The following CCDC82 variants were observed in gnomAD, a reference collection of about 807,000 sequenced individuals.
CCDC82 encodes the protein coiled-coil domain-containing protein 82.
CCDC82 carries 47 observed loss-of-function variants against 60.6 expected under a neutral mutation model. The ratio of observed to expected loss-of-function variants is 0.77; its 90% CI spans 0.61 to 0.99. The LOEUF is 0.99. Ranked by LOEUF, CCDC82 falls within the 50% of genes least tolerant of loss-of-function variation. The pLI is 0.00. For missense variants in CCDC82, 588 were observed against 633.0 expected (o/e 0.93, Z 0.76); for synonymous variants, 212 against 207.4 (o/e 1.02, Z -0.19).
chr11:96,374,238 C>A (rs942239528), intron 5 of CCDC82, among the ~76,000 whole-genome samples: 10 of 152,166 alleles, frequency 6.6e-5, no homozygotes, highest in Non-Finnish European at 1.5e-4. Context: ...TAAGGGCAGA[C>A]TGAGTATTTC....
intron 9 of CCDC82, chr11:96,357,836 G>T (rs369670802): frequency 1.0e-6 from 1 of 985,346 alleles, no homozygotes. Context: ...AAAAAGTACG[G>T]ATAAGCAGGG....
chr11:96,378,083 C>T (rs1865684818), intron 5 of CCDC82, among the ~76,000 whole-genome samples: 1 of 151,906 alleles, frequency 6.6e-6, no homozygotes, highest in Non-Finnish European at 1.5e-5. Flanking sequence ...CGTTTGTAGT[C>T]CTTTATTATC....
At chr11:96,372,495 T>C (rs78431982) in intron 6 of CCDC82, among the ~76,000 whole-genome samples, 11,432 of 151,486 alleles carry the variant, frequency 0.075, 479 homozygotes, top group African/African-American at 0.099. Flanking sequence ...TAGCTTATAG[T>C]AGACATTCAA....
Position 96,353,721 on chromosome 11 carries a change from AT to A in CCDC82, c.1567-8del, listed in dbSNP as rs752632054. ...CTTCAAGTTGACCATATTTCTGCAT[AT>A]ACAATAGAAAAGCTAGTTATTTTAC... is the stretch of plus-strand genomic sequence containing the variant. On this transcript the variant is annotated splice_region_variant and splice_polypyrimidine_tract_variant and intron_variant, in intron 9 of 9. Coordinates refer to ENST00000646818, the MANE Select transcript of CCDC82 (RefSeq NM_024725.4). 1 of 1,601,394 alleles carries A rather than the reference AT, an allele frequency of 6.2e-7. No homozygotes were observed. The highest frequency in any genetic ancestry group is 8.5e-7 in the Non-Finnish European group (1 of 1,172,032).
intron 6 of CCDC82, among the ~76,000 whole-genome samples, chr11:96,372,699 A>G (rs1046966436): frequency 6.9e-6 from 1 of 145,416 alleles, no homozygotes; most frequent in Non-Finnish European, 1.5e-5. Context: ...AATATATAAA[A>G]ATATATATAT....
At position 96,356,442 on chromosome 11, in the gene CCDC82, C is replaced by G; in HGVS notation, c.1566+2551G>C. The G allele has an allele frequency of 3.0e-6, 3 of 985,332 alleles. No homozygotes were observed. In the South Asian group the frequency reaches 1.4e-4, roughly 46 times the overall value. 61.0% of individuals were successfully genotyped at this position (985,332 alleles called of 1,614,324 possible). The stretch of plus-strand genomic sequence containing the variant: ...CAGTATTTACAGTATGAATGGGCAT[C>G]TGATACTTCTATTGACATGCTTTCT... On this transcript the variant is annotated intron_variant, in intron 9 of 9. Transcript: ENST00000646818.
At chr11:96,374,214 C>T (rs1234239268) in intron 5 of CCDC82, among the ~76,000 whole-genome samples, 1 of 152,160 alleles carries the variant, frequency 6.6e-6, no homozygotes, top group Non-Finnish European at 1.5e-5. Context: ...CTCAGGGCAC[C>T]TGTGAAGACA....
intron 8 of CCDC82, among the ~76,000 whole-genome samples, chr11:96,361,480 T>C (rs763812378): frequency 2.0e-5 from 3 of 152,220 alleles, no homozygotes; most frequent in Non-Finnish European, 4.4e-5. Flanking sequence ...AAAATTACCT[T>C]AAAATGTTCT....
chr11:96,387,767 G>A (rs947764546), intron 1 of CCDC82, 154 bp from the exon 2 acceptor site: 3 of 152,098 alleles, frequency 2.0e-5, no homozygotes, highest in Admixed American at 6.5e-5. Context: ...TTATGTAACC[G>A]AATTTTACTG....
intron 7 of CCDC82, among the ~76,000 whole-genome samples, chr11:96,367,837 T>G (rs1865032058): frequency 6.6e-6 from 1 of 151,012 alleles, no homozygotes; most frequent in Non-Finnish European, 1.5e-5. Flanking sequence ...TTTTTTTTTT[T>G]TTGAGACAGG....
At position 96,359,566 on chromosome 11, in the gene CCDC82, T is replaced by C. The variant is rs550977086; in HGVS notation, c.1381-388A>G. 3.5e-4 allele frequency among the ~76,000 whole-genome samples: 50 copies of C among 141,306 alleles called. 1 individual carries two copies. In the South Asian group the frequency reaches 0.011, roughly 32 times the overall value. The allele number at this position is 141,306 out of a possible 152,430, so 92.7% of individuals were successfully genotyped here. On this transcript the variant is annotated intron_variant, in intron 8 of 9. Transcript: ENST00000646818. ...AGCAAATCAAGCTTGAACTAAGTCT[T>C]GAAAACACAAGAGTTTGCCAAGTTC...
At chr11:96,378,663 T>TA (rs1865713698) in intron 5 of CCDC82, among the ~76,000 whole-genome samples, 1 of 151,994 alleles carries the variant, frequency 6.6e-6, no homozygotes, top group African/African-American at 2.4e-5. Context: ...GAATATATAA[T>TA]AGAGTACTGG....
chr11:96,371,021 G>A lies in CCDC82; in HGVS notation c.1201C>T (p.Gln401Ter). The A allele has an allele frequency of 3.1e-6, 5 of 1,590,450 alleles. No individual in the cohort carries two copies. The highest frequency in any genetic ancestry group is 1.4e-5 in the African/African-American group (1 of 73,692). ...SLVSRSRWKE[Q>*]YKERVENYSN... ...AAAAACAAACTGTGTACCTTATATT[G>A]CTCTTTCCAACGACTTCTAGATACC... The change falls in exon 7 of 10, where the codon CAA becomes TAA. Residue 401 changes from glutamine (Q) to a stop codon, truncating the protein, a stop_gained. Transcript: ENST00000646818. LOFTEE classifies it high-confidence loss of function.
rs765155081 is a variant in CCDC82, at chr11:96,384,808, A to G, written c.-14-47T>C. The G allele has an allele frequency of 3.5e-5, 41 of 1,162,204 alleles. No individual in the cohort carries two copies. In the Middle Eastern group the frequency reaches 6.2e-4, roughly 18 times the overall value. 72.0% of individuals were successfully genotyped at this position (1,162,204 alleles called of 1,614,324 possible). On this transcript the variant is annotated intron_variant, in intron 3 of 9. Transcript: ENST00000646818. ...AATATAACAGTGATAACCAGATTAG[A>G]GCAATGAATGCATTTATGGTATAAA... is the stretch of plus-strand genomic sequence containing the variant.
intron 9 of CCDC82, chr11:96,358,098 C>T (rs1177516877): frequency 1.0e-6 from 1 of 985,334 alleles, no homozygotes; most frequent in Non-Finnish European, 1.2e-6. Context: ...CCTAAGCTCT[C>T]TTGCCTTATT....
chr11:96,373,286 G>A, intron 6 of CCDC82, 89 bp downstream of exon 6: 1 of 767,236 alleles, frequency 1.3e-6, no homozygotes, highest in Non-Finnish European at 2.1e-6. Context: ...CATTGGTTTT[G>A]TTTAATCTAC....
chr11:96,379,483 A>G (rs1865758419), intron 5 of CCDC82, among the ~76,000 whole-genome samples: 1 of 151,830 alleles, frequency 6.6e-6, no homozygotes, highest in African/African-American at 2.4e-5. Context: ...AGTTCCTATA[A>G]GGTGTCACGA....
intron 5 of CCDC82, among the ~76,000 whole-genome samples, chr11:96,380,166 C>T (rs1865792877): frequency 6.6e-6 from 1 of 151,566 alleles, no homozygotes; most frequent in Non-Finnish European, 1.5e-5. Flanking sequence ...TGGACTGACA[C>T]AAGCAAGAGC....
intron 5 of CCDC82, chr11:96,381,305 A>G (rs1053618338): frequency 6.6e-6 from 1 of 151,702 alleles, no homozygotes; most frequent in Non-Finnish European, 1.5e-5. Context: ...ACCAGTGCCT[A>G]CTGATATAAG....
Sources: gnomAD v4.1 joint callset for allele counts (sites outside exome capture counted in the v4.1 genomes callset) on GRCh38, gnomAD v4.1.1 for gene constraint, MANE v1.5 for transcripts, NCBI Gene and HGNC (gene_info 2026-07-23, HGNC 2026-07-21) for gene names.